The following MYCBPAP variants were observed in gnomAD, a reference collection of about 807,000 sequenced individuals.
MYCBPAP encodes MYCBP associated protein.
In MYCBPAP, 60 loss-of-function variants were observed where a neutral mutation model predicts 106.1. That is an observed-to-expected ratio of 0.57 (90% CI 0.46 to 0.70). MYCBPAP has a LOEUF of 0.70. Among genes scored for constraint, MYCBPAP ranks in the 30% least tolerant of loss-of-function variants. The pLI is 0.00. For missense variants in MYCBPAP, 1,064 were observed against 1,169.3 expected (o/e 0.91, Z 1.31); for synonymous variants, 407 against 440.6 (o/e 0.92, Z 0.95).
chr17:50,523,576 T>G (rs954621710), intron 11 of MYCBPAP, 21 bp from the exon 12 acceptor site: 2 of 1,613,616 alleles, frequency 1.2e-6, no homozygotes, highest in East Asian at 4.5e-5. Flanking sequence ...GTTGAAAACC[T>G]CGGGTCTCTG....
At chr17:50,518,895 A>C in intron 5 of MYCBPAP, 79 bp from the exon 6 acceptor site, 1 of 1,469,074 alleles carries the variant, frequency 6.8e-7, no homozygotes, top group Admixed American at 1.7e-5. Context: ...CCTGTGAGGG[A>C]GGCTGCCCGA....
chr17:50,528,987 GA>G (rs766482231), intron 17 of MYCBPAP, 30 bp from the exon 18 acceptor site: 1 of 1,608,002 alleles, frequency 6.2e-7, no homozygotes, highest in Non-Finnish European at 8.5e-7. Flanking sequence ...TGGAGCTCCT[GA>G]AGGCTATGTG....
In MYCBPAP at chr17:50,521,225, G is replaced by A. The variant is rs775807510; in HGVS notation, c.1032G>A (p.Gln344=). 1 of 1,610,048 alleles carries A rather than the reference G, an allele frequency of 6.2e-7. No individual in the cohort carries two copies. The highest frequency in any genetic ancestry group is 8.5e-7 in the Non-Finnish European group (1 of 1,178,176). The change falls in exon 8 of 19, where the codon CAG becomes CAA. Residue 344 remains glutamine, a splice_region_variant and synonymous_variant. Transcript: ENST00000323776. ...RIMEELDFSQ[Q]DIDGLEVVGK... ...TGGAAGAGCTGGATTTCAGCCAGCA[G>A]GTTGGTATGGCCTCCATGCCCCAGT...
In MYCBPAP at chr17:50,522,709, A is replaced by AAAAAAAAAAAAAAAAAAATAT; in HGVS notation, c.1258-229_1258-228insAAAAAAAAAAAAAAAAATATA. 6.0e-5 allele frequency: 3 copies of AAAAAAAAAAAAAAAAAAATAT among 50,044 alleles called. No homozygotes were observed. In the Admixed American group the frequency reaches 6.0e-4, roughly 10 times the overall value. 3.1% of individuals were successfully genotyped at this position (50,044 alleles called of 1,614,324 possible). A position where few individuals can be genotyped will look rare whatever the true frequency, so the allele number is the denominator to read the frequency against. On this transcript the variant is annotated intron_variant, in intron 10 of 18. Transcript: ENST00000323776. ...AACTCTGTCTCAAAAAAAAAAAAAAAATATATATATATATATTTGTTTTAT... is the reference window on the plus strand; with the variant it reads ...AACTCTGTCTCAAAAAAAAAAAAAAAAAAAAAAAAAAAAAAAAATATATATATATATATATATTTGTTTTAT...
At chr17:50,516,798 C>A in intron 2 of MYCBPAP, 101 bp downstream of exon 2, 2 of 1,341,656 alleles carry the variant, frequency 1.5e-6, no homozygotes, top group Non-Finnish European at 2.1e-6. Flanking sequence ...TGGGGAGTGT[C>A]TAACTCCATG....
chr17:50,514,805 G>A, intron 1 of MYCBPAP: 1 of 336,864 alleles, frequency 3.0e-6, no homozygotes, highest in Non-Finnish European at 6.1e-6. Flanking sequence ...CTACAGGCAT[G>A]TACTACCATG....
chr17:50,521,561 A>G, intron 9 of MYCBPAP, 130 bp downstream of exon 9: 1 of 684,400 alleles, frequency 1.5e-6, no homozygotes, highest in Non-Finnish European at 2.5e-6. Flanking sequence ...GTTGCCACCC[A>G]CTCCTTGAAC....
At chr17:50,510,507 A>ATATATATG (rs1195991784) in intron 1 of MYCBPAP, 5 of 103,108 alleles carry the variant, frequency 4.8e-5, no homozygotes, top group Non-Finnish European at 1.8e-5. Flanking sequence ...GTGTATATAT[A>ATATATATG]TATATATATA....
At position 50,523,734 on chromosome 17, in the gene MYCBPAP, G is replaced by C; in HGVS notation, c.1585G>C (p.Ala529Pro). Reference sequence around the variant, plus strand: ...TGCTATACTGCAGGTCAATCTCCACGCGGTCTCCCTGACCCAGGACGTTTT... The same window carrying C: ...TGCTATACTGCAGGTCAATCTCCACCCGGTCTCCCTGACCCAGGACGTTTT... ...GGAILQVNLH[A>P]VSLTQDVFED... Residue 529 changes from alanine (A) to proline (P), a missense_variant, in exon 12 of 19, where the codon GCG becomes CCG. Ala to Pro is a conservative substitution (Grantham distance 27). Transcript: ENST00000323776. The C allele has an allele frequency of 6.2e-7, 1 of 1,614,154 alleles. No individual in the cohort carries two copies.
At chr17:50,528,428 G>C (rs2034528615) in intron 16 of MYCBPAP, among the ~76,000 whole-genome samples, 158 bp downstream of exon 16, 1 of 152,152 alleles carries the variant, frequency 6.6e-6, no homozygotes, top group African/African-American at 2.4e-5. Flanking sequence ...CCGCTGCCAG[G>C]ATGTGGTACC....
At chr17:50,510,916 A>T (rs1458446181) in intron 1 of MYCBPAP, among the ~76,000 whole-genome samples, 1 of 152,030 alleles carries the variant, frequency 6.6e-6, no homozygotes, top group African/African-American at 2.4e-5. Flanking sequence ...TCCTGCTCAC[A>T]TAGTTTCTGG....
chr17:50,519,116 G>C, intron 6 of MYCBPAP, 27 bp downstream of exon 6: 1 of 1,546,022 alleles, frequency 6.5e-7, no homozygotes, highest in South Asian at 1.1e-5. Flanking sequence ...TAAGTGCCCG[G>C]GGGCAGGGGG....
rs1270730392 is a variant in MYCBPAP at position 50,524,972 on chromosome 17, T to C, written c.1731T>C (p.Pro577=). The C allele has an allele frequency of 8.7e-6, 14 of 1,613,872 alleles. No individual in the cohort carries two copies. The highest frequency in any genetic ancestry group is 1.6e-4 in the Middle Eastern group (1 of 6,084). The change falls in exon 13 of 19, where the codon CCT becomes CCC. Residue 577 remains proline (P), a synonymous_variant. Coordinates refer to ENST00000323776, the MANE Select transcript of MYCBPAP (RefSeq NM_032133.6). ...GVLTPERTPS[P]VDAYLTEEDL... The stretch of plus-strand genomic sequence containing the variant: ...TGACCCCGGAGCGCACACCATCACC[T>C]GTGGATGCCTATCTCACCGAGGAAG...
intron 1 of MYCBPAP, among the ~76,000 whole-genome samples, chr17:50,510,893 C>T: frequency 6.6e-6 from 1 of 151,818 alleles, no homozygotes; most frequent in East Asian, 1.9e-4. Flanking sequence ...CAAGGGCTTT[C>T]CTAGCCACTG....
In MYCBPAP at chr17:50,522,046, G is replaced by C. The variant is rs1567890568; in HGVS notation, c.1222G>C (p.Ala408Pro). ...GPSLLFCGKP[A>P]CWIRGSNPQD... The stretch of plus-strand genomic sequence containing the variant: ...TTCTCTGCTGTTCTGTGGGAAGCCA[G>C]CTTGCTGGATCAGAGGCAGTAATCC... The change falls in exon 10 of 19, where the codon GCT becomes CCT. Residue 408 changes from alanine to proline, a missense_variant. Transcript: ENST00000323776. The C allele has an allele frequency of 6.2e-7, 1 of 1,614,038 alleles. No homozygotes were observed. The highest frequency in any genetic ancestry group is 8.5e-7 in the Non-Finnish European group (1 of 1,179,932).
chr17:50,530,497 C>CA lies in MYCBPAP; in HGVS notation c.2725-821dup, dbSNP rs10526790. 3.4e-4 allele frequency among the ~76,000 whole-genome samples: 36 copies of CA among 105,944 alleles called. 3 individuals carry two copies. Among genetic ancestry groups the CA allele is most frequent in the Admixed American group, 1.6e-3 (16 of 9,986 alleles). The allele number at this position is 105,944 out of a possible 152,430, so 69.5% of individuals were successfully genotyped here. On this transcript the variant is annotated intron_variant, in intron 18 of 18. Transcript: ENST00000323776. The stretch of plus-strand genomic sequence containing the variant: ...GTGACAAGAGTGAGACTCTTACCTC[C>CA]AAAAAAAAAGAATCAACTTGCTGGC...
Position 50,529,026 on chromosome 17 carries a change from C to G in MYCBPAP, c.2562C>G (p.Pro854=). The G allele has an allele frequency of 6.2e-7, 1 of 1,613,840 alleles. No individual in the cohort carries two copies. ...TCTCCCTCCCCCAGCAGGACCGTCC[C>G]AACAGCAAGAAGCACAAGGCAAAGG... ...GAKLLGKEDR[P]NSKKHKAKDD... The change falls in exon 18 of 19, where the codon CCC becomes CCG. Residue 854 remains proline (P), a synonymous_variant. Transcript: ENST00000323776.
intron 4 of MYCBPAP, among the ~76,000 whole-genome samples, chr17:50,518,194 G>A (rs1402896187): frequency 6.6e-6 from 1 of 152,250 alleles, no homozygotes; most frequent in Non-Finnish European, 1.5e-5. Context: ...GTTCCAGGCT[G>A]ACTCTGATTG....
chr17:50,526,818 T>G (rs979779149), intron 14 of MYCBPAP, among the ~76,000 whole-genome samples: 2 of 152,328 alleles, frequency 1.3e-5, no homozygotes, highest in East Asian at 3.9e-4. Context: ...CCTGACCTCG[T>G]GATCCACCCA....
Sources: gnomAD v4.1 joint callset for allele counts (sites outside exome capture counted in the v4.1 genomes callset) on GRCh38, gnomAD v4.1.1 for gene constraint, MANE v1.5 for transcripts, NCBI Gene and HGNC (gene_info 2026-07-23, HGNC 2026-07-21) for gene names.